The following WNK2 variants were observed in gnomAD, a reference collection of about 807,000 sequenced individuals.
WNK2 encodes the protein WNK lysine deficient protein kinase 2.
Under a neutral mutation model 192.1 loss-of-function variants are expected in WNK2, and 67 were observed. The observed-to-expected ratio is 0.35, with a 90% confidence interval of 0.29 to 0.43. WNK2 has a LOEUF of 0.43. WNK2 is among the 20% of genes least tolerant of loss of function. The pLI is 1.00. For missense variants in WNK2, 2,698 were observed against 3,089.7 expected (o/e 0.87, Z 3.01); for synonymous variants, 1,439 against 1,393.9 (o/e 1.03, Z -0.72).
rs550073972 is a variant in WNK2 at position 93,234,827 on chromosome 9, G to A, written c.1095G>A (p.Ala365=). 2.3e-5 allele frequency: 37 copies of A among 1,613,710 alleles called. No individual in the cohort carries two copies. The highest frequency in any genetic ancestry group is 6.7e-5 in the African/African-American group (5 of 75,034). ...KSVIGTPEFM[A]PEMYEEHYDE... ...GCACAGGTACTCCCGAGTTCATGGCGCCCGAGATGTACGAGGAGCACTACG... is the reference window on the plus strand; with the variant it reads ...GCACAGGTACTCCCGAGTTCATGGCACCCGAGATGTACGAGGAGCACTACG... The change falls in exon 5 of 30, where the codon GCG becomes GCA. Residue 365 remains alanine, a synonymous_variant. Coordinates refer to ENST00000427277, the MANE Select transcript of WNK2 (RefSeq NM_006648.4).
chr9:93,221,794 G>T (rs967647795), intron 2 of WNK2, among the ~76,000 whole-genome samples: 6 of 152,136 alleles, frequency 3.9e-5, no homozygotes, highest in African/African-American at 1.4e-4. Flanking sequence ...GGGAAGAGCC[G>T]CGTCGTGTCC....
intron 28 of WNK2, among the ~76,000 whole-genome samples, chr9:93,313,650 A>T (rs932611190): frequency 6.6e-6 from 1 of 152,094 alleles, no homozygotes; most frequent in African/African-American, 2.4e-5. Context: ...CAATTTTCAT[A>T]TTCTTATATT....
chr9:93,215,685 TA>T (rs1331071728), intron 2 of WNK2, among the ~76,000 whole-genome samples: 1 of 152,238 alleles, frequency 6.6e-6, no homozygotes, highest in Non-Finnish European at 1.5e-5. Flanking sequence ...TCATAGATTT[TA>T]GTTCTGGTGA....
At chr9:93,226,629 T>C (rs1351282669) in intron 2 of WNK2, among the ~76,000 whole-genome samples, 1 of 152,192 alleles carries the variant, frequency 6.6e-6, no homozygotes, top group Non-Finnish European at 1.5e-5. Flanking sequence ...TGGCTCCCAC[T>C]TCTACCCACC....
chr9:93,237,607 T>G (rs1360552973), intron 5 of WNK2, among the ~76,000 whole-genome samples: 2 of 152,190 alleles, frequency 1.3e-5, no homozygotes, highest in East Asian at 3.8e-4. Context: ...CACTTGTAGG[T>G]CTCTTTCTGT....
At chr9:93,246,866 C>A (rs991617557) in intron 7 of WNK2, among the ~76,000 whole-genome samples, 1 of 152,236 alleles carries the variant, frequency 6.6e-6, no homozygotes, top group African/African-American at 2.4e-5. Flanking sequence ...GTGGTCACTA[C>A]AACTGCAGCC....
At chr9:93,256,849 T>TGTGAGG in intron 10 of WNK2, 99 bp from the exon 11 acceptor site, 1 of 1,128,578 alleles carries the variant, frequency 8.9e-7, no homozygotes, top group East Asian at 2.6e-5. Flanking sequence ...TGCGTGTGCA[T>TGTGAGG]GTGAGGGTGA....
At chr9:93,217,577 G>T (rs572542173) in intron 2 of WNK2, among the ~76,000 whole-genome samples, 1 of 151,378 alleles carries the variant, frequency 6.6e-6, no homozygotes, top group Non-Finnish European at 1.5e-5. Context: ...TAATGGGATT[G>T]GGGTGCAGAT....
chr9:93,288,494 A>G (rs1202385486), intron 19 of WNK2, among the ~76,000 whole-genome samples: 1 of 152,190 alleles, frequency 6.6e-6, no homozygotes, highest in African/African-American at 2.4e-5. Context: ...GTCACACGCT[A>G]CAGAAGACAC....
At chr9:93,234,719 C>A in intron 4 of WNK2, 89 bp from the exon 5 acceptor site, 2 of 1,480,776 alleles carry the variant, frequency 1.4e-6, no homozygotes, top group Non-Finnish European at 1.8e-6. Flanking sequence ...ACATGGGGTT[C>A]TGGGCAGCCA....
Position 93,258,918 on chromosome 9 carries a change from G to A in WNK2, c.2383-13G>A, listed in dbSNP as rs1325368074. 2.5e-6 allele frequency: 4 copies of A among 1,604,872 alleles called. No individual in the cohort carries two copies. The East Asian group carries it at 8.9e-5, about 36-fold the overall frequency. ...TTGGGGCCCACACTGACACACTCCT[G>A]TGTCTCTTTCAGATGCCCCCGATTC... On this transcript the variant is annotated splice_polypyrimidine_tract_variant and intron_variant, in intron 11 of 29. Transcript: ENST00000427277.
Position 93,185,359 on chromosome 9 carries a change from A to C in WNK2, c.430A>C (p.Arg144=), listed in dbSNP as rs1587702922. The C allele has an allele frequency of 3.8e-6, 6 of 1,566,484 alleles. No homozygotes were observed. In the East Asian group the frequency reaches 1.4e-4, roughly 36 times the overall value. ...CGCGCCTGCCCCCGACGGCGGCCCC[A>C]GGGAGGAGGCGGCGGCGACCGTGAG... ...ETAPAPDGGP[R]EEAAATVRKE... The change falls in exon 2 of 30, where the codon AGG becomes CGG. Residue 144 remains arginine (R), a synonymous_variant. Transcript: ENST00000427277.
chr9:93,198,172 G>A (rs573587462), intron 2 of WNK2, among the ~76,000 whole-genome samples: 1 of 152,348 alleles, frequency 6.6e-6, no homozygotes, highest in South Asian at 2.1e-4. Context: ...CTTGAGGAGG[G>A]TGGACTGCAG....
chr9:93,271,502 A>C (rs905863067), intron 19 of WNK2, among the ~76,000 whole-genome samples: 14 of 152,264 alleles, frequency 9.2e-5, no homozygotes, highest in African/African-American at 3.4e-4. Context: ...TGAAAAAGCA[A>C]TGACAAACAT....
At chr9:93,275,777 A>G (rs758110432) in intron 19 of WNK2, among the ~76,000 whole-genome samples, 4 of 152,272 alleles carry the variant, frequency 2.6e-5, no homozygotes, top group Non-Finnish European at 5.9e-5. Context: ...CGCAGTCATC[A>G]TACAAAAATA....
rs554014938 is a variant in WNK2, at chr9:93,286,727, G to A, written c.4034-2061G>A. On this transcript the variant is annotated intron_variant, in intron 19 of 29. Coordinates refer to ENST00000427277, the MANE Select transcript of WNK2 (RefSeq NM_006648.4). ...CCTGCTCTCCTGTGTTCATTGCAGCGTTATTCACAATAGCCAAGATATGGA... is the reference window on the plus strand; with the variant it reads ...CCTGCTCTCCTGTGTTCATTGCAGCATTATTCACAATAGCCAAGATATGGA... Among the ~76,000 whole-genome samples the A allele has an allele frequency of 2.1e-4, 32 of 152,316 alleles. 1 individual carries two copies. Among genetic ancestry groups the A allele is most frequent in the African/African-American group, 4.1e-4 (17 of 41,578 alleles).
intron 2 of WNK2, among the ~76,000 whole-genome samples, chr9:93,218,730 C>T (rs1028167985): frequency 2.8e-4 from 43 of 152,234 alleles, no homozygotes; most frequent in African/African-American, 9.2e-4. Context: ...CTGCTGCCTG[C>T]ACAGCTGCCT....
intron 19 of WNK2, among the ~76,000 whole-genome samples, chr9:93,270,050 C>T (rs1845801533): frequency 6.6e-6 from 1 of 152,204 alleles, no homozygotes; most frequent in Non-Finnish European, 1.5e-5. Context: ...CCCATTCCTG[C>T]AGGGGTGGCT....
At chr9:93,288,589 T>C (rs1848804622) in intron 19 of WNK2, among the ~76,000 whole-genome samples, 199 bp from the exon 20 acceptor site, 1 of 152,110 alleles carries the variant, frequency 6.6e-6, no homozygotes, top group African/African-American at 2.4e-5. Flanking sequence ...CTCAGAGACC[T>C]GTGGGAGGCG....
Sources: allele counts gnomAD v4.1 joint callset (sites outside exome capture counted in the v4.1 genomes callset), GRCh38; gene constraint gnomAD v4.1.1; transcripts MANE v1.5; gene names NCBI Gene and HGNC (gene_info 2026-07-23, HGNC 2026-07-21).